SND1: variants seen among roughly 807,000 people sequenced by gnomAD.
SND1 encodes staphylococcal nuclease and tudor domain containing 1, also known as staphylococcal nuclease domain-containing protein 1.
A neutral mutation model predicts 121.7 loss-of-function variants in SND1; 38 were observed. The ratio of observed to expected loss-of-function variants is 0.31; its 90% CI spans 0.24 to 0.41. The LOEUF (loss-of-function observed/expected upper bound fraction) is 0.41. SND1 is among the 10% of genes least tolerant of loss of function. The pLI is 1.00. For synonymous variants in SND1, 401 were observed against 447.4 expected (o/e 0.90, Z 1.31); for missense variants, 868 against 1,184.6 (o/e 0.73, Z 3.92).
rs1202769637 is a variant in SND1, at chr7:128,081,437, C to G, written c.2046C>G (p.Tyr682Ter). ...VLEEKERSASYKPVFVTEITD... is the reference protein window; with the variant it reads ...VLEEKERSAS Reference sequence around the variant, plus strand: ...AGGAGAAGGAGCGATCTGCTAGCTACAAGCCCGTGTTTGTGACTGAGATCA... The same window carrying G: ...AGGAGAAGGAGCGATCTGCTAGCTAGAAGCCCGTGTTTGTGACTGAGATCA... The change falls in exon 18 of 24, where the codon TAC becomes TAG. Residue 682 changes from tyrosine (Y) to a stop codon, truncating the protein, a stop_gained. Coordinates refer to ENST00000354725, the MANE Select transcript of SND1 (RefSeq NM_014390.4). LOFTEE classifies it high-confidence loss of function. The G allele has an allele frequency of 6.2e-7, 1 of 1,614,222 alleles. No homozygotes were observed. The highest frequency in any genetic ancestry group is 8.5e-7 in the Non-Finnish European group (1 of 1,180,038).
chr7:127,825,116 T>A (rs1029886213), intron 11 of SND1, among the ~76,000 whole-genome samples: 2 of 152,070 alleles, frequency 1.3e-5, no homozygotes, highest in East Asian at 1.9e-4. Context: ...AAACATATAT[T>A]TTTTTTAAAT....
At chr7:127,785,619 G>T (rs1184718834) in intron 10 of SND1, among the ~76,000 whole-genome samples, 1 of 152,144 alleles carries the variant, frequency 6.6e-6, no homozygotes, top group African/African-American at 2.4e-5. Context: ...TAGCATTCTT[G>T]CTGTTGAATT....
At chr7:127,802,272 A>G (rs1235278644) in intron 10 of SND1, among the ~76,000 whole-genome samples, 1 of 152,186 alleles carries the variant, frequency 6.6e-6, no homozygotes, top group Non-Finnish European at 1.5e-5. Context: ...GTGGGCCTGC[A>G]CAGTTTAAAC....
At chr7:127,784,177 C>G (rs1325408373) in intron 10 of SND1, among the ~76,000 whole-genome samples, 1 of 152,230 alleles carries the variant, frequency 6.6e-6, no homozygotes, top group Non-Finnish European at 1.5e-5. Flanking sequence ...ATTTATTACA[C>G]AGCTTTTTGG....
At chr7:127,697,447 C>A (rs942057883) in intron 3 of SND1, among the ~76,000 whole-genome samples, 2 of 152,184 alleles carry the variant, frequency 1.3e-5, no homozygotes, top group Non-Finnish European at 2.9e-5. Context: ...TGGTCACTCA[C>A]CTTGTTTGTA....
intron 17 of SND1, among the ~76,000 whole-genome samples, chr7:128,077,865 A>G (rs1793532408): frequency 1.3e-5 from 2 of 152,190 alleles, no homozygotes; most frequent in Admixed American, 1.3e-4. Flanking sequence ...CCATCTTTCA[A>G]GAGGCTGGGG....
intron 3 of SND1, among the ~76,000 whole-genome samples, chr7:127,696,105 G>T (rs1796002323): frequency 6.6e-6 from 1 of 152,114 alleles, no homozygotes; most frequent in East Asian, 1.9e-4. Flanking sequence ...TTGATTCTTT[G>T]ATTAAAAACC....
Position 127,940,531 on chromosome 7 carries a change from G to A in SND1, c.1669+11202G>A, listed in dbSNP as rs946405559. Among the ~76,000 whole-genome samples, 6 of 152,134 alleles carry A rather than the reference G, an allele frequency of 3.9e-5. No homozygotes were observed. The East Asian group carries it at 7.7e-4, about 20-fold the overall frequency. On this transcript the variant is annotated intron_variant, in intron 15 of 23. Coordinates refer to ENST00000354725, the MANE Select transcript of SND1 (RefSeq NM_014390.4). The stretch of plus-strand genomic sequence containing the variant: ...GCTTTGAAATCTGGTAATGGGCAGC[G>A]CCAGGGTGAACAGTGCACACTGCTG...
intron 12 of SND1, among the ~76,000 whole-genome samples, chr7:127,851,296 C>T (rs1799161631): frequency 6.6e-6 from 1 of 152,188 alleles, no homozygotes; most frequent in African/African-American, 2.4e-5. Flanking sequence ...GGGAAGCTCC[C>T]CCTTGTCAGT....
intron 16 of SND1, chr7:128,030,020 G>A (rs747412731): frequency 8.1e-6 from 13 of 1,613,070 alleles, no homozygotes; most frequent in Admixed American, 1.7e-5. Flanking sequence ...TGTCTTTAAT[G>A]TTGCACATGC....
Position 128,092,031 on chromosome 7 carries a change from T to C in SND1, c.2706T>C (p.Asp902=). The C allele has an allele frequency of 6.2e-7, 1 of 1,614,126 alleles. No homozygotes were observed. Among genetic ancestry groups the C allele is most frequent in the Non-Finnish European group, 8.5e-7 (1 of 1,179,960 alleles). ...GCTATGGAGACTTTCGAGCTGATGA[T>C]GCAGACGAATTTGGCTACAGCCGCT... ...LWRYGDFRAD[D]ADEFGYSR Residue 902 remains aspartate, a synonymous_variant, in exon 24 of 24, where the codon GAT becomes GAC. Coordinates refer to ENST00000354725, the MANE Select transcript of SND1 (RefSeq NM_014390.4). This position sits in a 1 kb window ranked among gnomAD's most constrained non-coding sequence, Gnocchi z 4.9.
At chr7:128,046,112 C>T (rs1792941445) in intron 16 of SND1, among the ~76,000 whole-genome samples, 1 of 152,032 alleles carries the variant, frequency 6.6e-6, no homozygotes, top group South Asian at 2.1e-4. Flanking sequence ...ATTTTTCTCC[C>T]TGAAGCCAGG....
chr7:127,875,726 T>C (rs950618405), intron 12 of SND1, among the ~76,000 whole-genome samples: 1 of 152,192 alleles, frequency 6.6e-6, no homozygotes, highest in Non-Finnish European at 1.5e-5. Context: ...TTAATGTGTG[T>C]TTAAATGCCT....
At chr7:127,922,481 A>G (rs1172418836) in intron 14 of SND1, among the ~76,000 whole-genome samples, 1 of 152,022 alleles carries the variant, frequency 6.6e-6, no homozygotes, top group African/African-American at 2.4e-5. Context: ...TTCATTTCTC[A>G]GTATTGTACA....
Position 127,701,249 on chromosome 7 carries a change from CTA to C in SND1, c.517_518del (p.Ile173ProfsTer8). The C allele has an allele frequency of 6.2e-7, 1 of 1,614,072 alleles. No homozygotes were observed. The highest frequency in any genetic ancestry group is 8.5e-7 in the Non-Finnish European group (1 of 1,179,960). On this transcript the variant is annotated frameshift_variant, in exon 5 of 24. Transcript: ENST00000354725. LOFTEE classifies it high-confidence loss of function. ...TGGAGTGAGGGGAACGGTTCACATA[CTA>C]TCCGGGATCTCAAGTATACCATTGA...
chr7:127,925,890 C>T (rs1051445473), intron 14 of SND1, among the ~76,000 whole-genome samples: 3 of 151,492 alleles, frequency 2.0e-5, no homozygotes, highest in African/African-American at 7.3e-5. Context: ...CCATCGCGCC[C>T]GGCCAGGTCT....
chr7:127,955,295 G>T (rs1425844715), intron 15 of SND1, among the ~76,000 whole-genome samples: 1 of 152,226 alleles, frequency 6.6e-6, no homozygotes, highest in Non-Finnish European at 1.5e-5. Context: ...GTTTAAGGTT[G>T]TTCCTGCGCT....
chr7:128,030,218 C>T, intron 16 of SND1: 1 of 1,614,212 alleles, frequency 6.2e-7, no homozygotes, highest in Non-Finnish European at 8.5e-7. Flanking sequence ...ATTCAAAGGC[C>T]CCGCTAGGGA....
intron 15 of SND1, among the ~76,000 whole-genome samples, chr7:127,989,369 A>G (rs1400768199): frequency 6.6e-6 from 1 of 152,132 alleles, no homozygotes; most frequent in African/African-American, 2.4e-5. Flanking sequence ...GGGCTCAGAG[A>G]GAAAGCTCCG....
Sources: allele counts gnomAD v4.1 joint callset (sites outside exome capture counted in the v4.1 genomes callset), GRCh38; gene constraint gnomAD v4.1.1; non-coding constraint Gnocchi (gnomAD v3.1); transcripts MANE v1.5; gene names NCBI Gene and HGNC (gene_info 2026-07-23, HGNC 2026-07-21).